Variants in COPG2 observed in about 807,000 individuals in gnomAD.
COPG2 encodes the protein coat protein complex I subunit gamma 2.
Under a neutral mutation model 46.3 loss-of-function variants are expected in COPG2, and 37 were observed. The observed-to-expected ratio is 0.80, with a 90% CI of 0.61 to 1.05. COPG2 has a LOEUF of 1.05. Among genes scored for constraint, COPG2 ranks in the 50% least tolerant of loss-of-function variants. COPG2 has a pLI of 0.00. For synonymous variants in COPG2, 159 were observed against 129.7 expected (o/e 1.23, Z -1.53); for missense variants, 427 against 387.8 (o/e 1.10, Z -0.85).
At chr7:130,607,572 C>G (rs1554451456) in intron 9 of COPG2, 1 of 435,378 alleles carries the variant, frequency 2.3e-6, no homozygotes, top group African/African-American at 2.0e-5. Context: ...CCATTCAATT[C>G]TTTTATCTTA....
At chr7:130,654,132 A>G (rs1254497729) in intron 4 of COPG2, among the ~76,000 whole-genome samples, 1 of 152,236 alleles carries the variant, frequency 6.6e-6, no homozygotes, top group African/African-American at 2.4e-5. Flanking sequence ...CACACCCACC[A>G]AAATGGTGAA....
Position 130,507,831 on chromosome 7 carries a change from G to A in COPG2, c.2248-8C>T. ...CACTTCGAGATCTTCCAGCTAGTGG[G>A]TAATAAGCAGTCAGTAAAGAAAAGT... is the stretch of plus-strand genomic sequence containing the variant. On this transcript the variant is annotated splice_polypyrimidine_tract_variant and splice_region_variant and intron_variant, in intron 21 of 23. Coordinates refer to ENST00000425248, the MANE Select transcript of COPG2 (RefSeq NM_012133.6). 1.3e-6 allele frequency: 1 copy of A among 779,612 alleles called. No individual in the cohort carries two copies. Among genetic ancestry groups the A allele is most frequent in the South Asian group, 1.3e-5 (1 of 74,358 alleles). The allele number at this position is 779,612 out of a possible 1,614,324, so 48.3% of individuals were successfully genotyped here. A position where few individuals can be genotyped will look rare whatever the true frequency, so the allele number is the denominator to read the frequency against.
At chr7:130,540,163 G>C (rs1377897919) in intron 20 of COPG2, among the ~76,000 whole-genome samples, 1 of 152,006 alleles carries the variant, frequency 6.6e-6, no homozygotes, top group African/African-American at 2.4e-5. Context: ...GGGGAGAATC[G>C]AGCCAAGTTC....
In COPG2 at chr7:130,612,217, C is replaced by G. The variant is rs1794863893; in HGVS notation, c.514G>C (p.Asp172His). 1.2e-6 allele frequency: 2 copies of G among 1,600,404 alleles called. No individual in the cohort carries two copies. Among genetic ancestry groups the G allele is most frequent in the Non-Finnish European group, 1.7e-6 (2 of 1,174,820 alleles). ...SSLHMMKISY[D>H]VVKRWINEAQ... ...TCATTGATCCAGCGCTTAACCACAT[C>G]ATAGCTTATCTTCATCATGTGCTAA... The change falls in exon 8 of 24, where the codon GAT becomes CAT. Residue 172 changes from aspartate to histidine, a missense_variant. By Grantham distance (81) the Asp-to-His change is moderately conservative (BLOSUM62 -1). Transcript: ENST00000425248.
chr7:130,528,964 G>A (rs913800316), intron 20 of COPG2, among the ~76,000 whole-genome samples: 2 of 152,212 alleles, frequency 1.3e-5, no homozygotes. Flanking sequence ...ACAGGAGGGA[G>A]GATGGCAATA....
rs142079893 is a variant in COPG2 at position 130,630,200 on chromosome 7, C to T, written c.324-13135G>A. Among the ~76,000 whole-genome samples the T allele has an allele frequency of 2.0e-3, 303 of 152,164 alleles. 4 individuals carry two copies. The highest frequency in any genetic ancestry group is 6.8e-3 in the African/African-American group (281 of 41,522). On this transcript the variant is annotated intron_variant, in intron 5 of 23. Transcript: ENST00000425248. ...TGCTGGGATTACAGGTTTGAGCCACCGCACCCGGCCCCTATTTAGGTCTTA... is the reference window on the plus strand; with the variant it reads ...TGCTGGGATTACAGGTTTGAGCCACTGCACCCGGCCCCTATTTAGGTCTTA...
intron 9 of COPG2, among the ~76,000 whole-genome samples, chr7:130,608,436 C>CTA (rs1794779324): frequency 1.3e-5 from 2 of 152,328 alleles, no homozygotes; most frequent in South Asian, 2.1e-4. Context: ...CATCCATCTA[C>CTA]TATCATTTCT....
intron 9 of COPG2, chr7:130,607,662 G>A: frequency 1.9e-6 from 1 of 517,598 alleles, no homozygotes. Flanking sequence ...GATTTTTGTA[G>A]AGTTTAAAAT....
rs1252593868 is a variant in COPG2, at chr7:130,557,831, AAAAAAAAT to A, written c.1129-2707_1129-2700del. 5.4e-5 allele frequency among the ~76,000 whole-genome samples: 8 copies of A among 148,090 alleles called. 1 individual carries two copies. The highest frequency in any genetic ancestry group is 1.2e-4 in the African/African-American group (5 of 40,622). On this transcript the variant is annotated intron_variant, in intron 12 of 23. Transcript: ENST00000425248. ...AAACTCCATCTCAAAAAAAAAAAAA[AAAAAAAAT>A]CATGCAAGAATAGCCAGGAAAACAA... is the stretch of plus-strand genomic sequence containing the variant.
At chr7:130,555,967 C>A (rs1793616590) in intron 12 of COPG2, among the ~76,000 whole-genome samples, 2 of 152,176 alleles carry the variant, frequency 1.3e-5, no homozygotes, top group South Asian at 2.1e-4. Flanking sequence ...ACAAGAGACT[C>A]CTGGCTCAGC....
intron 5 of COPG2, among the ~76,000 whole-genome samples, chr7:130,628,807 G>A (rs1264869175): frequency 6.6e-6 from 1 of 152,166 alleles, no homozygotes; most frequent in African/African-American, 2.4e-5. Context: ...CACTTTGGGA[G>A]GCCGAGGCAG....
intron 5 of COPG2, among the ~76,000 whole-genome samples, chr7:130,635,104 C>T (rs955221602): frequency 1.3e-5 from 2 of 149,812 alleles, no homozygotes; most frequent in Non-Finnish European, 3.0e-5. Flanking sequence ...CTGCTGGATT[C>T]GGTTTGCCCG....
At chr7:130,506,842 C>A in intron 23 of COPG2, 36 bp from the exon 24 acceptor site, 1 of 756,820 alleles carries the variant, frequency 1.3e-6, no homozygotes, top group Non-Finnish European at 2.4e-6. Flanking sequence ...ATATTAAGAA[C>A]CCAAAACAAG....
intron 20 of COPG2, among the ~76,000 whole-genome samples, chr7:130,527,310 G>A (rs1205669173): frequency 1.3e-5 from 2 of 151,476 alleles, no homozygotes; most frequent in African/African-American, 4.9e-5. Context: ...AGCAGAGAGT[G>A]CCTGGCATAC....
chr7:130,523,612 A>G (rs1369209450), intron 20 of COPG2, among the ~76,000 whole-genome samples: 1 of 152,194 alleles, frequency 6.6e-6, no homozygotes, highest in African/African-American at 2.4e-5. Flanking sequence ...AAATGGATGT[A>G]GCTGAAAAGG....
chr7:130,609,510 G>T (rs1357303770), intron 9 of COPG2, among the ~76,000 whole-genome samples: 2 of 152,094 alleles, frequency 1.3e-5, no homozygotes, highest in Non-Finnish European at 1.5e-5. Flanking sequence ...TCTTCCTTTT[G>T]TAAATTGCCC....
chr7:130,617,727 G>GTC (rs1794973284), intron 5 of COPG2, among the ~76,000 whole-genome samples: 1 of 152,060 alleles, frequency 6.6e-6, no homozygotes, highest in South Asian at 2.1e-4. Context: ...ATCCAAAATG[G>GTC]TCTACAACTC....
intron 5 of COPG2, among the ~76,000 whole-genome samples, chr7:130,623,947 C>T (rs1795078058): frequency 6.6e-6 from 1 of 152,074 alleles, no homozygotes; most frequent in Non-Finnish European, 1.5e-5. Context: ...CAAAATATTA[C>T]AGACTAGGTT....
At chr7:130,507,215 A>G in intron 23 of COPG2, 59 bp downstream of exon 23, 1 of 777,328 alleles carries the variant, frequency 1.3e-6, no homozygotes, top group Non-Finnish European at 2.4e-6. Flanking sequence ...ATGCCCATCT[A>G]TATCCTATTA....
Sources: gnomAD v4.1 joint callset for allele counts (sites outside exome capture counted in the v4.1 genomes callset) on GRCh38, gnomAD v4.1.1 for gene constraint, MANE v1.5 for transcripts, NCBI Gene and HGNC (gene_info 2026-07-23, HGNC 2026-07-21) for gene names.